Variants in SEC16B observed in about 807,000 individuals in gnomAD.
SEC16B encodes the protein SEC16 homolog B, endoplasmic reticulum export factor.
A neutral mutation model predicts 141.8 loss-of-function variants in SEC16B; 115 were observed. That is an observed-to-expected ratio of 0.81 (90% CI 0.70 to 0.95). SEC16B has a LOEUF of 0.95. Ranked by LOEUF, SEC16B falls within the 40% of genes least tolerant of loss-of-function variation. The pLI, the probability that SEC16B is intolerant of heterozygous loss-of-function variation, is 0.00. For synonymous variants in SEC16B, 493 were observed against 492.5 expected (o/e 1.00, Z -0.01); for missense variants, 1,291 against 1,312.3 (o/e 0.98, Z 0.25).
intron 24 of SEC16B, 46 bp downstream of exon 24, chr1:177,932,443 CA>C: frequency 7.2e-7 from 1 of 1,385,666 alleles, no homozygotes; most frequent in Non-Finnish European, 9.7e-7. Context: ...TCCTCACACA[CA>C]GGCATCTGCT....
intron 14 of SEC16B, 54 bp downstream of exon 14, chr1:177,946,366 A>G: frequency 1.5e-6 from 2 of 1,303,160 alleles, no homozygotes; most frequent in South Asian, 1.3e-5. Flanking sequence ...AACAAGGGCT[A>G]AAACAGTCCC....
In SEC16B at chr1:177,965,191, TC is replaced by T. The variant is rs747768879; in HGVS notation, c.413-25del. ...CACTGCACCCTCAGAGAAAACAAAATCAAGACAGGTCACTTCCTGTTTCTGA... is the reference window on the plus strand; with the variant it reads ...CACTGCACCCTCAGAGAAAACAAAATAAGACAGGTCACTTCCTGTTTCTGA... On this transcript the variant is annotated intron_variant, in intron 3 of 25. Transcript: ENST00000308284. 3.1e-6 allele frequency: 5 copies of T among 1,610,934 alleles called. No homozygotes were observed. The East Asian group carries it at 1.1e-4, about 36-fold the overall frequency.
chr1:177,951,934 T>A lies in SEC16B; in HGVS notation c.1525A>T (p.Arg509Trp), dbSNP rs1252930239. Residue 509 changes from arginine to tryptophan, a missense_variant, in exon 12 of 26, where the codon AGG becomes TGG. Around this residue, in one of 3 missense-constraint regions of SEC16B, gnomAD observed 681 missense variants for 675.5 expected, o/e 1.01. Transcript: ENST00000308284. ...LQTLFQLMSG[R>W]IPQAATCCGE... is the part of the protein sequence containing the mutation. The stretch of plus-strand genomic sequence containing the variant: ...GGTACCGTGGCTGCCTGTGGAATCC[T>A]CCCCGACATGAGCTGGAAGAGGGTC... 1 of 1,605,882 alleles carries A rather than the reference T, an allele frequency of 6.2e-7. No individual in the cohort carries two copies. The highest frequency in any genetic ancestry group is 2.2e-5 in the East Asian group (1 of 44,464).
chr1:177,932,634 C>A, intron 23 of SEC16B, 64 bp downstream of exon 23: 1 of 1,500,218 alleles, frequency 6.7e-7, no homozygotes, highest in Non-Finnish European at 8.9e-7. Context: ...TCCCAGAAGG[C>A]ACCCCAACCC....
intron 10 of SEC16B, among the ~76,000 whole-genome samples, chr1:177,957,846 C>G (rs1489319738): frequency 7.4e-6 from 1 of 134,992 alleles, no homozygotes; most frequent in Non-Finnish European, 1.6e-5. Flanking sequence ...AACCATCCTT[C>G]TACTGTCTAT....
At chr1:177,931,324 G>A (rs1650396803) in intron 24 of SEC16B, among the ~76,000 whole-genome samples, 1 of 152,166 alleles carries the variant, frequency 6.6e-6, no homozygotes, top group Non-Finnish European at 1.5e-5. Flanking sequence ...CACAGGAGTG[G>A]AAAACCGAAA....
At chr1:177,945,621 C>T (rs1651636283) in intron 14 of SEC16B, 1 of 152,286 alleles carries the variant, frequency 6.6e-6, no homozygotes, top group Non-Finnish European at 1.5e-5. Flanking sequence ...CTCACTGTAC[C>T]ATCTGAGACA....
chr1:177,934,231 T>G (rs769572151), intron 20 of SEC16B, among the ~76,000 whole-genome samples: 2 of 152,144 alleles, frequency 1.3e-5, no homozygotes, highest in Non-Finnish European at 2.9e-5. Flanking sequence ...ATACACACAG[T>G]GTCGTACAAC....
At chr1:177,975,260 C>A (rs553001925) in intron 1 of SEC16B, among the ~76,000 whole-genome samples, 1 of 152,194 alleles carries the variant, frequency 6.6e-6, no homozygotes, top group African/African-American at 2.4e-5. Flanking sequence ...ATGCAATATT[C>A]GCAGTGCCTT....
Position 177,951,900 on chromosome 1 carries a change from T to C in SEC16B, c.1545+14A>G. On this transcript the variant is annotated intron_variant, in intron 12 of 25. Transcript: ENST00000308284. ...GGATGCCTGGGTGATAAAGGAATCC[T>C]GTCATAGGGGTACCGTGGCTGCCTG... 1 of 1,589,920 alleles carries C rather than the reference T, an allele frequency of 6.3e-7. No individual in the cohort carries two copies. Among genetic ancestry groups the C allele is most frequent in the Non-Finnish European group, 8.6e-7 (1 of 1,167,994 alleles).
intron 12 of SEC16B, 81 bp downstream of exon 12, chr1:177,951,833 A>G: frequency 9.1e-7 from 1 of 1,099,142 alleles, no homozygotes; most frequent in Non-Finnish European, 1.4e-6. Context: ...CCTGAAAGCC[A>G]TCAGTGCACT....
chr1:177,960,978 A>G (rs1475160011), intron 6 of SEC16B, 39 bp from the exon 7 acceptor site: 1 of 1,564,880 alleles, frequency 6.4e-7, no homozygotes, highest in East Asian at 2.4e-5. Flanking sequence ...TGTTAGCGTT[A>G]CTTCCATCAC....
intron 24 of SEC16B, among the ~76,000 whole-genome samples, chr1:177,932,191 G>A (rs561973897): frequency 6.6e-5 from 10 of 152,304 alleles, no homozygotes; most frequent in African/African-American, 2.2e-4. Context: ...CAGAGGAAAG[G>A]CCATGTGAAG....
Position 177,969,994 on chromosome 1 carries a change from C to G in SEC16B, c.-169G>C, listed in dbSNP as rs1054116664. The G allele has an allele frequency of 1.7e-4, 26 of 152,186 alleles. 1 individual carries two copies. The highest frequency in any genetic ancestry group is 1.6e-3 in the Admixed American group (24 of 15,272). 9.4% of individuals were successfully genotyped at this position (152,186 alleles called of 1,614,324 possible). On this transcript the variant is annotated 5_prime_UTR_variant, in exon 1 of 26. Coordinates refer to ENST00000308284, the MANE Select transcript of SEC16B (RefSeq NM_033127.4). Reference sequence around the variant, plus strand: ...AGTCCAGGTGCCACATCTACCAAGACTCCCCAGGCCCTCAGATCTACATCA... The same window carrying G: ...AGTCCAGGTGCCACATCTACCAAGAGTCCCCAGGCCCTCAGATCTACATCA...
intron 14 of SEC16B, among the ~76,000 whole-genome samples, chr1:177,945,065 C>T (rs1391903863): frequency 1.3e-5 from 2 of 152,168 alleles, no homozygotes; most frequent in African/African-American, 2.4e-5. Context: ...TGAAGGGCAC[C>T]CCTAGTTTGA....
chr1:177,960,534 GA>G, intron 7 of SEC16B, 131 bp from the exon 8 acceptor site: 1 of 740,464 alleles, frequency 1.4e-6, no homozygotes, highest in Non-Finnish European at 2.3e-6. Flanking sequence ...AAAGCAGAAA[GA>G]AAAAAGTGAA....
chr1:177,930,982 T>C (rs1650372197), intron 24 of SEC16B, among the ~76,000 whole-genome samples: 1 of 152,178 alleles, frequency 6.6e-6, no homozygotes, highest in Non-Finnish European at 1.5e-5. Flanking sequence ...GGTGGGAATG[T>C]AAATTAGTAC....
chr1:177,962,464 T>C (rs1306729180), intron 5 of SEC16B, among the ~76,000 whole-genome samples: 1 of 151,840 alleles, frequency 6.6e-6, no homozygotes, highest in Non-Finnish European at 1.5e-5. Context: ...GGGCCAGGTA[T>C]GATGGCTCTC....
At chr1:177,961,123 A>G (rs981324333) in intron 6 of SEC16B, 184 bp from the exon 7 acceptor site, 8 of 610,632 alleles carry the variant, frequency 1.3e-5, no homozygotes, top group Non-Finnish European at 2.3e-5. Context: ...AGCCTCTGAG[A>G]AGGTGTCAGA....
Sources: gnomAD v4.1 joint callset for allele counts (sites outside exome capture counted in the v4.1 genomes callset) on GRCh38, gnomAD v4.1.1 for gene constraint, gnomAD v4.1.1 regional missense constraint, MANE v1.5 for transcripts, NCBI Gene and HGNC (gene_info 2026-07-23, HGNC 2026-07-21) for gene names.